Variants in ATXN10 observed in about 807,000 individuals in gnomAD.
ATXN10 encodes ataxin-10.
ATXN10 carries 28 observed loss-of-function variants against 52.9 expected under a neutral mutation model. The observed-to-expected ratio is 0.53, with a 90% CI of 0.39 to 0.73. The LOEUF is 0.73. ATXN10 is among the 30% of genes least tolerant of loss of function. The probability of loss-of-function intolerance (pLI) is 0.00; values close to 1 mark genes in which losing one functional copy is unlikely to be tolerated. For synonymous variants in ATXN10, 226 were observed against 221.5 expected (o/e 1.02, Z -0.18); for missense variants, 565 against 577.0 (o/e 0.98, Z 0.21).
intron 10 of ATXN10, among the ~76,000 whole-genome samples, chr22:45,832,070 G>A (rs1167045840): frequency 6.6e-6 from 1 of 152,168 alleles, no homozygotes; most frequent in Admixed American, 6.5e-5. Flanking sequence ...ACCCAAGTCT[G>A]TATTATTCCA....
intron 7 of ATXN10, among the ~76,000 whole-genome samples, chr22:45,736,114 T>G (rs1463399423): frequency 6.6e-6 from 1 of 152,142 alleles, no homozygotes; most frequent in Non-Finnish European, 1.5e-5. Context: ...AGTTCATCTC[T>G]TCCAACCTCT....
chr22:45,700,559 A>G (rs1448304113), intron 4 of ATXN10, among the ~76,000 whole-genome samples, 181 bp downstream of exon 4: 4 of 152,148 alleles, frequency 2.6e-5, no homozygotes, highest in Non-Finnish European at 5.9e-5. Flanking sequence ...TGGGTCCTGG[A>G]AGTGTTCGTC....
chr22:45,749,426 T>A (rs1655225589), intron 9 of ATXN10, among the ~76,000 whole-genome samples: 1 of 152,258 alleles, frequency 6.6e-6, no homozygotes. Context: ...CTTTGAAATC[T>A]ATGACCAAAT....
At chr22:45,680,405 G>C (rs1203327083) in intron 1 of ATXN10, among the ~76,000 whole-genome samples, 3 of 152,146 alleles carry the variant, frequency 2.0e-5, no homozygotes, top group Non-Finnish European at 4.4e-5. Context: ...CTCCCAAATT[G>C]ACCTGTGGAT....
intron 9 of ATXN10, among the ~76,000 whole-genome samples, chr22:45,758,730 G>A (rs745919232): frequency 2.6e-5 from 4 of 152,358 alleles, no homozygotes; most frequent in South Asian, 4.1e-4. Flanking sequence ...GTAACTGAAC[G>A]TGGACTTGAT....
intron 1 of ATXN10, among the ~76,000 whole-genome samples, chr22:45,687,003 T>G (rs901520639): frequency 5.3e-5 from 8 of 152,134 alleles, no homozygotes; most frequent in African/African-American, 1.9e-4. Flanking sequence ...CAGCTCCACA[T>G]TATTTTTTCT....
chr22:45,839,329 G>T (rs1327306591), intron 10 of ATXN10, among the ~76,000 whole-genome samples: 4 of 152,228 alleles, frequency 2.6e-5, no homozygotes, highest in Non-Finnish European at 5.9e-5. Context: ...CTATTAGGTT[G>T]TCAGGTCCGT....
Position 45,738,958 on chromosome 22 carries a change from A to T in ATXN10, c.1003+119A>T, listed in dbSNP as rs543042114. On this transcript the variant is annotated intron_variant, in intron 8 of 11. Transcript: ENST00000252934. ...TGTACTTTGGGAATTTTGTGAATATATTTTTTTGAGAGGAATCACAGTGTT... is the reference window on the plus strand; with the variant it reads ...TGTACTTTGGGAATTTTGTGAATATTTTTTTTTGAGAGGAATCACAGTGTT... 6.0e-5 allele frequency: 58 copies of T among 963,874 alleles called. No homozygotes were observed. In the African/African-American group the frequency reaches 8.2e-4, roughly 14 times the overall value. 59.7% of individuals were successfully genotyped at this position (963,874 alleles called of 1,614,324 possible).
chr22:45,798,342 G>A (rs1295266343), intron 9 of ATXN10, among the ~76,000 whole-genome samples: 1 of 152,214 alleles, frequency 6.6e-6, no homozygotes, highest in African/African-American at 2.4e-5. Flanking sequence ...ACCTATGATG[G>A]TTTATCTCAG....
Position 45,737,777 on chromosome 22 carries a change from C to T in ATXN10, c.895-954C>T, listed in dbSNP as rs1028349229. 2.0e-5 allele frequency among the ~76,000 whole-genome samples: 3 copies of T among 148,616 alleles called. No individual in the cohort carries two copies. In the Admixed American group the frequency reaches 2.0e-4, roughly 10 times the overall value. ...CCAGTGGCGTGATCTTGGCTCACTG[C>T]AACCTCTGCCTCCTAGGTTGAAACG... On this transcript the variant is annotated intron_variant, in intron 7 of 11. Transcript: ENST00000252934.
In ATXN10 at chr22:45,816,872, A is replaced by ATGTTC. The variant is rs1417946917; in HGVS notation, c.1237+9859_1237+9863dup. On this transcript the variant is annotated intron_variant, in intron 10 of 11. Coordinates refer to ENST00000252934, the MANE Select transcript of ATXN10 (RefSeq NM_013236.4). The surrounding 1 kb of genome is among the most constrained non-coding windows in gnomAD (Gnocchi z 5.8). ...GGAATCTTAGAATAAATGTAGGAACATGTTCTGTTCTGTACTCTTCTTGGT... is the reference window on the plus strand; with the variant it reads ...GGAATCTTAGAATAAATGTAGGAACATGTTCTGTTCTGTTCTGTACTCTTCTTGGT... 1.3e-5 allele frequency among the ~76,000 whole-genome samples: 2 copies of ATGTTC among 152,042 alleles called. No individual in the cohort carries two copies. The highest frequency in any genetic ancestry group is 2.9e-5 in the Non-Finnish European group (2 of 68,006).
Position 45,842,877 on chromosome 22 carries a change from G to A in ATXN10, c.1238-114G>A. On this transcript the variant is annotated intron_variant, in intron 10 of 11. Transcript: ENST00000252934. This position sits in a 1 kb window ranked among gnomAD's most constrained non-coding sequence, Gnocchi z 4.8. ...GAATGCATCCTCAAGAAAACTTGTG[G>A]ATTGATACTGGATGTTCCGTGTTTC... The A allele has an allele frequency of 8.4e-7, 1 of 1,195,098 alleles. No homozygotes were observed. The highest frequency in any genetic ancestry group is 1.2e-6 in the Non-Finnish European group (1 of 811,230). 74.0% of individuals were successfully genotyped at this position (1,195,098 alleles called of 1,614,324 possible).
intron 4 of ATXN10, among the ~76,000 whole-genome samples, chr22:45,702,205 A>G (rs1480641905): frequency 6.6e-6 from 1 of 152,198 alleles, no homozygotes; most frequent in Non-Finnish European, 1.5e-5. Flanking sequence ...GACCTTCCCC[A>G]GGTCACCTGG....
intron 2 of ATXN10, among the ~76,000 whole-genome samples, chr22:45,691,908 G>A (rs571428679): frequency 2.6e-5 from 4 of 152,154 alleles, no homozygotes; most frequent in African/African-American, 9.6e-5. Context: ...AAAAAATGCA[G>A]TCTACCCTTG....
chr22:45,808,789 A>G (rs1476450528), intron 10 of ATXN10, among the ~76,000 whole-genome samples: 1 of 152,238 alleles, frequency 6.6e-6, no homozygotes, highest in Admixed American at 6.5e-5. Flanking sequence ...CCACATAAAC[A>G]TATTCATGTA....
At chr22:45,785,510 C>G (rs1927292914) in intron 9 of ATXN10, among the ~76,000 whole-genome samples, 1 of 152,188 alleles carries the variant, frequency 6.6e-6, no homozygotes, top group South Asian at 2.1e-4. Flanking sequence ...ATATTAAATT[C>G]TCGCATTTTA....
Position 45,671,932 on chromosome 22 carries a change from G to A in ATXN10, c.-132G>A, listed in dbSNP as rs956906125. 4 of 1,016,144 alleles carry A rather than the reference G, an allele frequency of 3.9e-6. No individual in the cohort carries two copies. The highest frequency in any genetic ancestry group is 5.6e-6 in the Non-Finnish European group (4 of 708,658). The allele number at this position is 1,016,144 out of a possible 1,614,324, so 62.9% of individuals were successfully genotyped here. Reference sequence around the variant, plus strand: ...CAGCGCGGGCTGCAGCGGCGGCGGCGGTTAGGGCTGTGTAGGGCGAGGCCT... The same window carrying A: ...CAGCGCGGGCTGCAGCGGCGGCGGCAGTTAGGGCTGTGTAGGGCGAGGCCT... On this transcript the variant is annotated 5_prime_UTR_variant, in exon 1 of 12. Coordinates refer to ENST00000252934, the MANE Select transcript of ATXN10 (RefSeq NM_013236.4).
chr22:45,747,822 T>C (rs1259827940), intron 9 of ATXN10, among the ~76,000 whole-genome samples: 3 of 152,178 alleles, frequency 2.0e-5, no homozygotes, highest in Non-Finnish European at 4.4e-5. Flanking sequence ...ATCTCATGTC[T>C]GTAATCCTAG....
rs1486252867 is a variant in ATXN10 at position 45,696,594 on chromosome 22, GT to G, written c.391+3523del. Reference sequence around the variant, plus strand: ...ATCCCCTTGCTCTCAGGCAGCCTCTGTTTTTTTCCTCTTTACTCCATCATTT... The same window carrying G: ...ATCCCCTTGCTCTCAGGCAGCCTCTGTTTTTTCCTCTTTACTCCATCATTT... On this transcript the variant is annotated intron_variant, in intron 3 of 11. Coordinates refer to ENST00000252934, the MANE Select transcript of ATXN10 (RefSeq NM_013236.4). This position sits in a 1 kb window ranked among gnomAD's most constrained non-coding sequence, Gnocchi z 4.7. Among the ~76,000 whole-genome samples, 6 of 152,114 alleles carry G rather than the reference GT, an allele frequency of 3.9e-5. No homozygotes were observed. Among genetic ancestry groups the G allele is most frequent in the Admixed American group, 3.9e-4 (6 of 15,268 alleles).
Sources: allele counts gnomAD v4.1 joint callset (sites outside exome capture counted in the v4.1 genomes callset), GRCh38; gene constraint gnomAD v4.1.1; non-coding constraint Gnocchi (gnomAD v3.1); transcripts MANE v1.5; gene names NCBI Gene and HGNC (gene_info 2026-07-23, HGNC 2026-07-21).